Variants in EVPL observed in about 807,000 individuals in gnomAD.
EVPL encodes envoplakin.
EVPL carries 94 observed loss-of-function variants against 129.7 expected under a neutral mutation model. That is an observed-to-expected ratio of 0.72 (90% CI 0.61 to 0.86). The LOEUF is 0.86. EVPL is among the 40% of genes least tolerant of loss of function. The probability of loss-of-function intolerance (pLI) is 0.00; values close to 1 mark genes in which losing one functional copy is unlikely to be tolerated. For missense variants in EVPL, 2,625 were observed against 2,721.1 expected (o/e 0.96, Z 0.79); for synonymous variants, 1,172 against 1,191.1 (o/e 0.98, Z 0.33).
chr17:76,014,775 T>A, intron 17 of EVPL, 141 bp downstream of exon 17: 1 of 1,111,762 alleles, frequency 9.0e-7, no homozygotes, highest in African/African-American at 1.6e-5. Flanking sequence ...GGGAGGTAAG[T>A]GCTGTTGTTA....
Position 76,010,086 on chromosome 17 carries a change from T to C in EVPL, c.3119A>G (p.Gln1040Arg), listed in dbSNP as rs1338466055. ...GACGGCATCCTCCCCGCGGAGCTGC[T>C]GGATCTGGATCCTGAGCTGGGCCGC... ...SQAAQLRIQI[Q>R]QLRGEDAVIS... Residue 1040 changes from glutamine (Q) to arginine (R), a missense_variant, in exon 22 of 22, where the codon CAG (glutamine) becomes CGG (arginine). This residue lies in a region of EVPL where 1,453 missense variants were observed against 1,511.8 expected (regional missense o/e 0.96). Transcript: ENST00000301607. 2 of 1,613,918 alleles carry C rather than the reference T, an allele frequency of 1.2e-6. No individual in the cohort carries two copies. The highest frequency in any genetic ancestry group is 1.7e-6 in the Non-Finnish European group (2 of 1,180,030).
Position 76,009,433 on chromosome 17 carries a change from C to G in EVPL, c.3772G>C (p.Val1258Leu). 6.2e-7 allele frequency: 1 copy of G among 1,614,148 alleles called. No homozygotes were observed. The highest frequency in any genetic ancestry group is 8.5e-7 in the Non-Finnish European group (1 of 1,180,014). ...VEYKEVTQEV[V>L]RHERSPEVLR... is the part of the protein sequence containing the mutation. ...ACCTCGGGGCTCCTCTCATGCCTCA[C>G]CACCTCCTGGGTCACCTCCTTGTAC... Residue 1258 changes from valine to leucine, a missense_variant, in exon 22 of 22, where the codon GTG (valine) becomes CTG (leucine). Coordinates refer to ENST00000301607, the MANE Select transcript of EVPL (RefSeq NM_001988.4). The surrounding 1 kb of genome is among the most constrained non-coding windows in gnomAD (Gnocchi z 5.9).
In EVPL at chr17:76,011,688, A is replaced by T. The variant is rs1567909402; in HGVS notation, c.2569-20T>A. ...CTTCTCCTGGAGAAGGCAGAGGGAG[A>T]GGGGAAGGGCAGAGTCAGCTCCTGC... On this transcript the variant is annotated intron_variant, in intron 20 of 21. Coordinates refer to ENST00000301607, the MANE Select transcript of EVPL (RefSeq NM_001988.4). The T allele has an allele frequency of 1.9e-6, 3 of 1,613,334 alleles. No individual in the cohort carries two copies. Among genetic ancestry groups the T allele is most frequent in the Non-Finnish European group, 2.5e-6 (3 of 1,179,454 alleles).
intron 18 of EVPL, 136 bp downstream of exon 18, chr17:76,014,290 G>A: frequency 3.2e-6 from 4 of 1,235,108 alleles, no homozygotes; most frequent in Non-Finnish European, 4.4e-6. Flanking sequence ...GGGCAAAGAG[G>A]AGCATTTCAG....
Position 76,013,880 on chromosome 17 carries a change from C to T in EVPL, c.2373+546G>A, listed in dbSNP as rs1205746226. ...GAGAGAGTGCAGCCTGGGTCCTGTG[C>T]CGGAAGGGCCTGTGTGGTCTGCCCA... On this transcript the variant is annotated intron_variant, in intron 18 of 21. Coordinates refer to ENST00000301607, the MANE Select transcript of EVPL (RefSeq NM_001988.4). The surrounding 1 kb of genome is among the most constrained non-coding windows in gnomAD (Gnocchi z 4.3). Among the ~76,000 whole-genome samples the T allele has an allele frequency of 6.6e-6, 1 of 152,156 alleles. No homozygotes were observed. Among genetic ancestry groups the T allele is most frequent in the East Asian group, 1.9e-4 (1 of 5,174 alleles).
In EVPL at chr17:76,022,904, C is replaced by A. The variant is rs929217390; in HGVS notation, c.481-366G>T. On this transcript the variant is annotated intron_variant, in intron 4 of 21. Coordinates refer to ENST00000301607, the MANE Select transcript of EVPL (RefSeq NM_001988.4). This position sits in a 1 kb window ranked among gnomAD's most constrained non-coding sequence, Gnocchi z 5.6. ...GTCCCTCTATTGTCATGATGACACC[C>A]CTTCTGTGTGGCATCAAAGCACAAC... 2.6e-5 allele frequency among the ~76,000 whole-genome samples: 4 copies of A among 152,164 alleles called. No individual in the cohort carries two copies. Among genetic ancestry groups the A allele is most frequent in the African/African-American group, 9.7e-5 (4 of 41,426 alleles).
chr17:76,021,721 C>G lies in EVPL; in HGVS notation c.868G>C (p.Gly290Arg), dbSNP rs749438728. ...EQSVNQLEDDGERMVELRHPA... is the reference protein window; with the variant it reads ...EQSVNQLEDDRERMVELRHPA... ...TGCCGCAGCTCCACCATGCGCTCGC[C>G]GTCGTCCTCCAGCTGGTTCACGCTC... Residue 290 changes from glycine to arginine, a missense_variant, in exon 8 of 22, where the codon GGC (glycine) becomes CGC (arginine). This residue lies in a region of EVPL where 1,024 missense variants were observed against 997.5 expected (regional missense o/e 1.03). Transcript: ENST00000301607. 1.9e-6 allele frequency: 3 copies of G among 1,610,634 alleles called. No homozygotes were observed. Among genetic ancestry groups the G allele is most frequent in the Non-Finnish European group, 2.5e-6 (3 of 1,179,534 alleles).
Position 76,008,630 on chromosome 17 carries a change from C to G in EVPL, c.4575G>C (p.Arg1525=), listed in dbSNP as rs774027925. The G allele has an allele frequency of 6.8e-6, 11 of 1,612,212 alleles. No individual in the cohort carries two copies. Among genetic ancestry groups the G allele is most frequent in the African/African-American group, 1.3e-5 (1 of 74,936 alleles). The change falls in exon 22 of 22, where the codon CGG becomes CGC. Residue 1525 remains arginine, a synonymous_variant. Transcript: ENST00000301607. The surrounding 1 kb of genome is among the most constrained non-coding windows in gnomAD (Gnocchi z 7.4). Reference sequence around the variant, plus strand: ...CTTCCAGGACGCGGTCCTTCTGCACCCGGATCACTTCCTTGTAGATGGTCT... The same window carrying G: ...CTTCCAGGACGCGGTCCTTCTGCACGCGGATCACTTCCTTGTAGATGGTCT... ...QEKTIYKEVI[R]VQKDRVLEDE...
Position 76,023,398 on chromosome 17 carries a change from C to T in EVPL, c.374G>A (p.Arg125Gln), listed in dbSNP as rs757402388. The T allele has an allele frequency of 5.6e-6, 9 of 1,613,888 alleles. No homozygotes were observed. In the Admixed American group the frequency reaches 6.7e-5, roughly 12 times the overall value. ...GTACTCCGCACACTCCTGGGTCACC[C>T]GCTCGTGCAGCTGCTTGATGCTGTC... ...IEKDIKQLHE[R>Q]VTQECAEYRA... Residue 125 changes from arginine to glutamine, a missense_variant, in exon 4 of 22, where the codon CGG becomes CAG. Arg to Gln is a conservative substitution (Grantham distance 43). Coordinates refer to ENST00000301607, the MANE Select transcript of EVPL (RefSeq NM_001988.4).
chr17:76,007,045 G>T lies in EVPL; in HGVS notation c.*58C>A, dbSNP rs910964734. The T allele has an allele frequency of 5.1e-6, 7 of 1,367,546 alleles. No individual in the cohort carries two copies. The African/African-American group carries it at 1.0e-4, about 20-fold the overall frequency. 84.7% of individuals were successfully genotyped at this position (1,367,546 alleles called of 1,614,324 possible). Reference sequence around the variant, plus strand: ...GGATGAGGCTGCTCTGAGGCAAGAGGTGTACGTATCCTACCTGGCCCAACA... The same window carrying T: ...GGATGAGGCTGCTCTGAGGCAAGAGTTGTACGTATCCTACCTGGCCCAACA... On this transcript the variant is annotated 3_prime_UTR_variant, in exon 22 of 22. Transcript: ENST00000301607. This position sits in a 1 kb window ranked among gnomAD's most constrained non-coding sequence, Gnocchi z 8.8.
At chr17:76,023,720 G>T (rs1274740545) in intron 2 of EVPL, 66 bp from the exon 3 acceptor site, 2 of 1,463,348 alleles carry the variant, frequency 1.4e-6, no homozygotes, top group East Asian at 5.0e-5. Context: ...GCCCATCACT[G>T]TGGGCCTGAG....
In EVPL at chr17:76,013,605, C is replaced by T. The variant is rs981164382; in HGVS notation, c.2373+821G>A. Among the ~76,000 whole-genome samples, 1 of 152,200 alleles carries T rather than the reference C, an allele frequency of 6.6e-6. No homozygotes were observed. The highest frequency in any genetic ancestry group is 1.5e-5 in the Non-Finnish European group (1 of 68,034). On this transcript the variant is annotated intron_variant, in intron 18 of 21. Transcript: ENST00000301607. This position sits in a 1 kb window ranked among gnomAD's most constrained non-coding sequence, Gnocchi z 4.3. ...GGCCCCGTCCATCTCACTCACTGTC[C>T]CCTTCAAGCAGTCACCAAGTCCACC...
intron 16 of EVPL, 55 bp from the exon 17 acceptor site, chr17:76,015,164 C>G (rs1475497931): frequency 7.7e-6 from 12 of 1,557,248 alleles, no homozygotes; most frequent in Non-Finnish European, 1.0e-5. Context: ...GACGCCGTGT[C>G]CACCCACCCG....
At chr17:76,026,242 ATTT>A (rs61017516) in intron 1 of EVPL, among the ~76,000 whole-genome samples, 92 of 130,152 alleles carry the variant, frequency 7.1e-4, no homozygotes, top group Middle Eastern at 8.8e-3. Flanking sequence ...TTGCGCCAGG[ATTT>A]TTTTTTTTTT....
In EVPL at chr17:76,007,451, G is replaced by A. The variant is rs201925190; in HGVS notation, c.5754C>T (p.Gly1918=). The A allele has an allele frequency of 2.7e-4, 430 of 1,607,818 alleles. 1 individual carries two copies. The East Asian group carries it at 9.3e-3, about 35-fold the overall frequency. The change falls in exon 22 of 22, where the codon GGC becomes GGT. Residue 1918 remains glycine, a synonymous_variant. Transcript: ENST00000301607. The surrounding 1 kb of genome is among the most constrained non-coding windows in gnomAD (Gnocchi z 8.8). ...GCATCCAGCCCTTCTGGACGGCCTC[G>A]CCCACCGAGAGCCTCTTCTTGGTGA... ...DPVTKKRLSV[G]EAVQKGWMPR...
intron 1 of EVPL, among the ~76,000 whole-genome samples, 154 bp downstream of exon 1, chr17:76,026,947 C>A (rs1469642870): frequency 1.3e-5 from 2 of 152,250 alleles, no homozygotes; most frequent in Non-Finnish European, 2.9e-5. Context: ...GGGAGAGAGT[C>A]CATCCCTGGG....
intron 14 of EVPL, among the ~76,000 whole-genome samples, chr17:76,015,959 C>T (rs899553382): frequency 6.6e-5 from 10 of 152,152 alleles, no homozygotes; most frequent in Non-Finnish European, 1.3e-4. Flanking sequence ...GCCTGGCCAA[C>T]ATGGCGAAAC....
chr17:76,024,033 C>T lies in EVPL; in HGVS notation c.186G>A (p.Lys62=), dbSNP rs754833441. The T allele has an allele frequency of 6.3e-5, 101 of 1,613,288 alleles. No individual in the cohort carries two copies. The South Asian group carries it at 1.0e-3, about 16-fold the overall frequency. Residue 62 remains lysine (K), a synonymous_variant, in exon 2 of 22, where the codon AAG becomes AAA. Transcript: ENST00000301607. This position sits in a 1 kb window ranked among gnomAD's most constrained non-coding sequence, Gnocchi z 4.5. The stretch of plus-strand genomic sequence containing the variant: ...GCCGGGGCCTCACCTGCTGCAGCCT[C>T]TTCTGCGTCTCCAGGATGTCCCGCT... The part of the protein sequence containing the change: ...QVERDILETQ[K]RLQQDRLNSE...
chr17:76,013,641 A>G lies in EVPL; in HGVS notation c.2373+785T>C, dbSNP rs547539915. 3.9e-5 allele frequency among the ~76,000 whole-genome samples: 6 copies of G among 152,174 alleles called. No homozygotes were observed. The South Asian group carries it at 8.3e-4, about 21-fold the overall frequency. On this transcript the variant is annotated intron_variant, in intron 18 of 21. Transcript: ENST00000301607. This position sits in a 1 kb window ranked among gnomAD's most constrained non-coding sequence, Gnocchi z 4.3. ...GTCACCAAGTCCACCTAATTCTGCCATCTCCATCTCAGATCTGCCCACCTC... is the reference window on the plus strand; with the variant it reads ...GTCACCAAGTCCACCTAATTCTGCCGTCTCCATCTCAGATCTGCCCACCTC...
Sources: allele counts gnomAD v4.1 joint callset (sites outside exome capture counted in the v4.1 genomes callset), GRCh38; gene constraint gnomAD v4.1.1; regional missense constraint gnomAD v4.1.1; non-coding constraint Gnocchi (gnomAD v3.1); transcripts MANE v1.5; gene names NCBI Gene and HGNC (gene_info 2026-07-23, HGNC 2026-07-21).